The following DYRK1A variants were observed in gnomAD, a reference collection of about 807,000 sequenced individuals.
DYRK1A encodes dual specificity tyrosine phosphorylation regulated kinase 1A.
In DYRK1A, 9 loss-of-function variants were observed where a neutral mutation model predicts 79.7. The ratio of observed to expected loss-of-function variants is 0.11; its 90% CI spans 0.07 to 0.20. The LOEUF is 0.20. Among genes scored for constraint, DYRK1A ranks in the 10% least tolerant of loss-of-function variants. DYRK1A has a pLI of 1.00. For synonymous variants in DYRK1A, 349 were observed against 329.7 expected (o/e 1.06, Z -0.63); for missense variants, 622 against 956.0 (o/e 0.65, Z 4.61).
upstream of DYRK1A, among the ~76,000 whole-genome samples, chr21:37,366,515 C>A (rs1260589691): frequency 6.6e-6 from 1 of 150,928 alleles, no homozygotes; most frequent in African/African-American, 2.4e-5. Context: ...CTAGCCGTCC[C>A]CCTCCTCTCC....
intron 2 of DYRK1A, among the ~76,000 whole-genome samples, chr21:37,427,757 T>A (rs540034450): frequency 2.6e-5 from 4 of 152,214 alleles, no homozygotes; most frequent in Non-Finnish European, 5.9e-5. Context: ...AGAATTTTTC[T>A]GCACCCTAGG....
rs1601348072 is a variant in DYRK1A at position 37,518,920 on chromosome 21, C to T, written c.*6389C>T. 6.6e-6 allele frequency: 1 copy of T among 152,124 alleles called. No individual in the cohort carries two copies. The highest frequency in any genetic ancestry group is 2.4e-5 in the African/African-American group (1 of 41,414). The allele number at this position is 152,124 out of a possible 1,614,324, so 9.4% of individuals were successfully genotyped here. On this transcript the variant is annotated 3_prime_UTR_variant, in exon 12 of 12. Transcript: ENST00000647188. ...GAGCTACTTCACCCAGCCCCAAGAACATCTTGAAATGGAGTTTGATTACCA... is the reference window on the plus strand; with the variant it reads ...GAGCTACTTCACCCAGCCCCAAGAATATCTTGAAATGGAGTTTGATTACCA...
intron 2 of DYRK1A, chr21:37,425,793 A>G (rs970182499): frequency 2.0e-5 from 3 of 152,202 alleles, no homozygotes; most frequent in African/African-American, 7.2e-5. Flanking sequence ...TAAGTAGGTG[A>G]GAGTGAATGT....
intron 1 of DYRK1A, among the ~76,000 whole-genome samples, chr21:37,391,448 A>C (rs1330915480): frequency 2.6e-5 from 4 of 152,176 alleles, no homozygotes; most frequent in Non-Finnish European, 4.4e-5. Flanking sequence ...ATTATTTTTT[A>C]ACTACTGATT....
At chr21:37,507,136 C>G (rs779959560) in intron 11 of DYRK1A, among the ~76,000 whole-genome samples, 33 of 152,196 alleles carry the variant, frequency 2.2e-4, no homozygotes, top group Admixed American at 2.6e-4. Context: ...GACAGGAACT[C>G]TCTCCACTTT....
intron 1 of DYRK1A, among the ~76,000 whole-genome samples, chr21:37,397,236 G>A (rs910383370): frequency 8.5e-5 from 13 of 152,162 alleles, no homozygotes; most frequent in Non-Finnish European, 1.5e-4. Context: ...ATGATGACTG[G>A]AGTCTCTGCC....
intron 1 of DYRK1A, among the ~76,000 whole-genome samples, chr21:37,403,659 ATATATGTGTG>A (rs1316695126): frequency 3.1e-4 from 39 of 125,348 alleles, no homozygotes; most frequent in South Asian, 1.7e-3. Flanking sequence ...ATATATATAT[ATATATGTGTG>A]TGTGTGTGTG....
chr21:37,519,480 T>G lies in DYRK1A; in HGVS notation c.*6949T>G, dbSNP rs1230788544. ...AGCACAATGCCTAGTATGTAGAAAG[T>G]GTCCGATAAATATAATATGCGGCTA... On this transcript the variant is annotated 3_prime_UTR_variant, in exon 12 of 12. Transcript: ENST00000647188. The G allele has an allele frequency of 6.6e-6, 1 of 152,204 alleles. No individual in the cohort carries two copies. Among genetic ancestry groups the G allele is most frequent in the African/African-American group, 2.4e-5 (1 of 41,428 alleles). 9.4% of individuals were successfully genotyped at this position (152,204 alleles called of 1,614,324 possible). A position where few individuals can be genotyped will look rare whatever the true frequency, so the allele number is the denominator to read the frequency against.
chr21:37,420,835 AT>A lies in DYRK1A; in HGVS notation c.10+455del, dbSNP rs556394263. 1.7e-4 allele frequency among the ~76,000 whole-genome samples: 26 copies of A among 152,052 alleles called. No homozygotes were observed. In the East Asian group the frequency reaches 4.8e-3, roughly 28 times the overall value. On this transcript the variant is annotated intron_variant, in intron 2 of 11. Transcript: ENST00000647188. The stretch of plus-strand genomic sequence containing the variant: ...GTTTCTTAAAAAGATATGCTCTGGG[AT>A]TTTGTTTATTTTTTCCTTGTTCCCA...
At chr21:37,416,743 C>A (rs944663147) in intron 1 of DYRK1A, among the ~76,000 whole-genome samples, 7 of 151,804 alleles carry the variant, frequency 4.6e-5, no homozygotes, top group Non-Finnish European at 1.0e-4. Flanking sequence ...TGTAGCTTTT[C>A]TGTTGTTGCT....
intron 2 of DYRK1A, among the ~76,000 whole-genome samples, chr21:37,428,660 G>A (rs1243358426): frequency 2.0e-5 from 3 of 151,990 alleles, no homozygotes; most frequent in East Asian, 1.9e-4. Context: ...GATGGGATTT[G>A]TTTTTTGTAT....
intron 1 of DYRK1A, among the ~76,000 whole-genome samples, chr21:37,412,009 A>C (rs150761179): frequency 2.8e-4 from 43 of 152,326 alleles, no homozygotes; most frequent in Non-Finnish European, 6.0e-4. Flanking sequence ...ATCTAGTGGT[A>C]CTTTTCACCA....
intron 1 of DYRK1A, among the ~76,000 whole-genome samples, chr21:37,379,115 G>A (rs760844286): frequency 1.7e-4 from 26 of 152,134 alleles, no homozygotes; most frequent in Non-Finnish European, 3.5e-4. Flanking sequence ...GACACTTGTG[G>A]ACATGAGAGT....
intron 1 of DYRK1A, among the ~76,000 whole-genome samples, chr21:37,404,840 G>A (rs1224460731): frequency 2.0e-5 from 3 of 152,214 alleles, no homozygotes. Context: ...TAGGCATACA[G>A]GTTCTTTGCA....
chr21:37,424,980 A>G (rs1397550525), intron 2 of DYRK1A, among the ~76,000 whole-genome samples: 2 of 152,244 alleles, frequency 1.3e-5, no homozygotes, highest in Admixed American at 1.3e-4. Context: ...TTTGGAACAA[A>G]TGAAGTAGTA....
rs1191053862 is a variant in DYRK1A at position 37,513,550 on chromosome 21, T to C, written c.*1019T>C. The C allele has an allele frequency of 6.6e-6, 1 of 152,662 alleles. No homozygotes were observed. Among genetic ancestry groups the C allele is most frequent in the Non-Finnish European group, 1.5e-5 (1 of 68,044 alleles). 9.5% of individuals were successfully genotyped at this position (152,662 alleles called of 1,614,324 possible). A position where few individuals can be genotyped will look rare whatever the true frequency, so the allele number is the denominator to read the frequency against. On this transcript the variant is annotated 3_prime_UTR_variant, in exon 12 of 12. Coordinates refer to ENST00000647188, the MANE Select transcript of DYRK1A (RefSeq NM_001347721.2). Reference sequence around the variant, plus strand: ...GTATTGCAAGGTCACTTTGCGTGTGTCATAAAGTTGACTTCCTTATTGGTT... The same window carrying C: ...GTATTGCAAGGTCACTTTGCGTGTGCCATAAAGTTGACTTCCTTATTGGTT...
At chr21:37,366,602 C>T (rs991047490), upstream of DYRK1A, among the ~76,000 whole-genome samples, 34 of 151,696 alleles carry the variant, frequency 2.2e-4, no homozygotes, top group African/African-American at 7.5e-4. Flanking sequence ...TTCACGTGAC[C>T]TGAGGGGGTT....
intron 7 of DYRK1A, among the ~76,000 whole-genome samples, chr21:37,492,175 C>G (rs1206359861): frequency 1.3e-5 from 2 of 152,166 alleles, no homozygotes; most frequent in African/African-American, 4.8e-5. Context: ...AGACTTTCTT[C>G]TCATAGTTCC....
chr21:37,377,619 C>G (rs1444984212), intron 1 of DYRK1A, among the ~76,000 whole-genome samples: 1 of 152,140 alleles, frequency 6.6e-6, no homozygotes, highest in South Asian at 2.1e-4. Flanking sequence ...TAGGTGTACA[C>G]CACCACACCC....
Sources: allele counts gnomAD v4.1 joint callset (sites outside exome capture counted in the v4.1 genomes callset), GRCh38; gene constraint gnomAD v4.1.1; transcripts MANE v1.5; gene names NCBI Gene and HGNC (gene_info 2026-07-23, HGNC 2026-07-21).